Variants in CA10 observed in about 807,000 individuals in gnomAD.
CA10 encodes the protein carbonic anhydrase-related protein 10.
Under a neutral mutation model 44.2 loss-of-function variants are expected in CA10, and 14 were observed. The ratio of observed to expected loss-of-function variants is 0.32; its 90% confidence interval spans 0.21 to 0.50. The LOEUF (loss-of-function observed/expected upper bound fraction) is 0.50. Ranked by LOEUF, CA10 falls within the 20% of genes least tolerant of loss-of-function variation. CA10 has a pLI of 0.99. For missense variants in CA10, 350 were observed against 409.7 expected, an observed-to-expected ratio of 0.85 and a Z score of 1.26; for synonymous variants, 159 against 141.6, an observed-to-expected ratio of 1.12 and a Z score of -0.87.
At chr17:51,967,099 C>T (rs1401392118) in intron 2 of CA10, among the ~76,000 whole-genome samples, 5 of 151,554 alleles carry the variant, frequency 3.3e-5, no homozygotes, top group Non-Finnish European at 7.4e-5. Context: ...AAATTCTCAG[C>T]GTCACTAATC....
chr17:51,672,260 C>T (rs1320106134), intron 4 of CA10, among the ~76,000 whole-genome samples: 7 of 152,196 alleles, frequency 4.6e-5, no homozygotes, highest in African/African-American at 1.4e-4. Context: ...GATGATGGCT[C>T]AATGCCCAGT....
intron 1 of CA10, among the ~76,000 whole-genome samples, 189 bp downstream of exon 1, chr17:52,157,537 C>CG (rs1989832035): frequency 1.4e-5 from 2 of 147,386 alleles, no homozygotes; most frequent in Non-Finnish European, 3.0e-5. Flanking sequence ...CCACCCCCCC[C>CG]CGCAAAACAC....
At chr17:52,075,345 A>T (rs1987791086) in intron 1 of CA10, among the ~76,000 whole-genome samples, 1 of 152,222 alleles carries the variant, frequency 6.6e-6, no homozygotes, top group Non-Finnish European at 1.5e-5. Context: ...AGAATCCACA[A>T]GTGGCATTTC....
At chr17:51,733,999 A>G (rs576770912) in intron 4 of CA10, among the ~76,000 whole-genome samples, 84 of 151,726 alleles carry the variant, frequency 5.5e-4, no homozygotes, top group African/African-American at 2.0e-3. Flanking sequence ...GTGTGTGTGA[A>G]AGCTACTAGT....
chr17:51,660,437 CTG>C (rs1913961048), intron 4 of CA10, among the ~76,000 whole-genome samples: 1 of 152,230 alleles, frequency 6.6e-6, no homozygotes, highest in African/African-American at 2.4e-5. Context: ...AGCAGACCTG[CTG>C]CAAGCAGGCT....
At chr17:51,634,047 G>C (rs1179197345) in intron 7 of CA10, among the ~76,000 whole-genome samples, 1 of 152,222 alleles carries the variant, frequency 6.6e-6, no homozygotes, top group Non-Finnish European at 1.5e-5. Context: ...CCATGGGTCA[G>C]AGCTAAACTA....
chr17:52,079,167 T>C (rs1262056746), intron 1 of CA10, among the ~76,000 whole-genome samples: 1 of 152,084 alleles, frequency 6.6e-6, no homozygotes, highest in Non-Finnish European at 1.5e-5. Flanking sequence ...GCACCTGTAG[T>C]CCCAGCTACT....
intron 3 of CA10, among the ~76,000 whole-genome samples, chr17:51,793,579 C>T (rs533912346): frequency 6.6e-6 from 1 of 152,300 alleles, no homozygotes; most frequent in South Asian, 2.1e-4. Context: ...AGGGATAAAA[C>T]AAAAAGTTTG....
At chr17:51,864,494 A>G (rs1979457490) in intron 3 of CA10, among the ~76,000 whole-genome samples, 1 of 152,022 alleles carries the variant, frequency 6.6e-6, no homozygotes, top group Admixed American at 6.6e-5. Context: ...TTCCTTCTCT[A>G]CTTTCTCCTA....
intron 2 of CA10, among the ~76,000 whole-genome samples, chr17:52,066,050 C>T (rs1286088492): frequency 6.6e-6 from 1 of 152,158 alleles, no homozygotes. Flanking sequence ...ATGAGGCCTC[C>T]CCAGCCATGC....
chr17:51,854,397 G>C (rs1322214933), intron 3 of CA10, among the ~76,000 whole-genome samples: 1 of 152,154 alleles, frequency 6.6e-6, no homozygotes, highest in Non-Finnish European at 1.5e-5. Context: ...ATTTCTCCAG[G>C]GAAGAGTGAA....
At position 51,631,380 on chromosome 17, in the gene CA10, G is replaced by A. The variant is rs1383485942; in HGVS notation, c.*204C>T. ...TGTTTGTATGTATGTGCAAGTGCTT[G>A]TGTGTGTGTTTGTGAGTATGTGTGA... On this transcript the variant is annotated 3_prime_UTR_variant, in exon 9 of 9. Transcript: ENST00000451037. The A allele has an allele frequency of 7.9e-6, 5 of 632,906 alleles. No individual in the cohort carries two copies. Among genetic ancestry groups the A allele is most frequent in the Non-Finnish European group, 1.4e-5 (5 of 347,512 alleles). 39.2% of individuals were successfully genotyped at this position (632,906 alleles called of 1,614,324 possible). A position where few individuals can be genotyped will look rare whatever the true frequency, so the allele number is the denominator to read the frequency against.
At chr17:51,729,370 T>A (rs564202879) in intron 4 of CA10, among the ~76,000 whole-genome samples, 1 of 151,588 alleles carries the variant, frequency 6.6e-6, no homozygotes, top group African/African-American at 2.4e-5. Flanking sequence ...CACACACACA[T>A]GCACACACAC....
chr17:52,096,882 T>A (rs936079783), intron 1 of CA10, among the ~76,000 whole-genome samples: 1 of 152,228 alleles, frequency 6.6e-6, no homozygotes, highest in Non-Finnish European at 1.5e-5. Flanking sequence ...CTATCCTTTG[T>A]AACTTGCTTT....
At chr17:52,108,241 G>A in intron 1 of CA10, among the ~76,000 whole-genome samples, 1 of 134,828 alleles carries the variant, frequency 7.4e-6, no homozygotes, top group South Asian at 2.3e-4. Context: ...GTATATGATG[G>A]AATACTACCC....
intron 3 of CA10, among the ~76,000 whole-genome samples, chr17:51,914,100 C>T (rs748540800): frequency 6.6e-6 from 1 of 152,098 alleles, no homozygotes; most frequent in East Asian, 1.9e-4. Context: ...AAAAGTTATT[C>T]CTGATCCACT....
At chr17:51,812,139 A>C (rs1204068255) in intron 3 of CA10, among the ~76,000 whole-genome samples, 2 of 152,216 alleles carry the variant, frequency 1.3e-5, no homozygotes, top group Non-Finnish European at 2.9e-5. Context: ...GCGGAAGCCC[A>C]CCTGTACCAG....
chr17:51,661,572 TTCCATAGTAA>T (rs1914009337), intron 4 of CA10: 1 of 152,262 alleles, frequency 6.6e-6, no homozygotes. Context: ...GCAGTAACCA[TTCCATAGTAA>T]GCTACTATTG....
At chr17:51,966,538 C>G (rs1984087439) in intron 2 of CA10, among the ~76,000 whole-genome samples, 1 of 151,528 alleles carries the variant, frequency 6.6e-6, no homozygotes, top group Non-Finnish European at 1.5e-5. Flanking sequence ...GAATAGAGAC[C>G]CAGATATAAG....
Sources: gnomAD v4.1 joint callset for allele counts (sites outside exome capture counted in the v4.1 genomes callset) on GRCh38, gnomAD v4.1.1 for gene constraint, MANE v1.5 for transcripts, NCBI Gene and HGNC (gene_info 2026-07-23, HGNC 2026-07-21) for gene names.